Variants in EXOC1 observed in about 807,000 individuals in gnomAD.
EXOC1 encodes exocyst complex component 1.
Under a neutral mutation model 107.7 loss-of-function variants are expected in EXOC1, and 67 were observed. The observed-to-expected ratio is 0.62, with a 90% CI of 0.51 to 0.76. EXOC1 has a LOEUF of 0.76. Ranked by LOEUF, EXOC1 falls within the 30% of genes least tolerant of loss-of-function variation. EXOC1 has a pLI of 0.00. For missense variants in EXOC1, 833 were observed against 1,055.7 expected (o/e 0.79, Z 2.92); for synonymous variants, 348 against 353.5 (o/e 0.98, Z 0.17).
rs1198663415 is a variant in EXOC1 at position 55,864,337 on chromosome 4, T to C, written c.366T>C (p.Tyr122=). ...GCATTTGGAAATTGAATCAGCGATA[T>C]CTCCGGAAGAAAATTGATTTTGTCA... The part of the protein sequence containing the change: ...ISCIWKLNQR[Y]LRKKIDFVNV... Residue 122 remains tyrosine, a synonymous_variant, in exon 4 of 19, where the codon TAT becomes TAC. Coordinates refer to ENST00000381295, the MANE Select transcript of EXOC1 (RefSeq NM_001024924.2). 2 of 1,610,818 alleles carry C rather than the reference T, an allele frequency of 1.2e-6. No individual in the cohort carries two copies. Among genetic ancestry groups the C allele is most frequent in the Non-Finnish European group, 1.7e-6 (2 of 1,178,860 alleles).
intron 8 of EXOC1, among the ~76,000 whole-genome samples, chr4:55,874,945 A>G (rs1481147906): frequency 6.6e-6 from 1 of 152,162 alleles, no homozygotes; most frequent in African/African-American, 2.4e-5. Flanking sequence ...TTTTTGAAAG[A>G]TTTATTTTGA....
intron 6 of EXOC1, 44 bp downstream of exon 6, chr4:55,870,949 A>T (rs369619617): frequency 8.5e-5 from 134 of 1,570,674 alleles, no homozygotes; most frequent in Non-Finnish European, 1.1e-4. Flanking sequence ...ACTAGTGATG[A>T]TATATAAAAC....
intron 8 of EXOC1, chr4:55,875,833 A>T: frequency 4.1e-6 from 4 of 973,096 alleles, no homozygotes; most frequent in Non-Finnish European, 4.9e-6. Context: ...GGGAGGCTGA[A>T]GTGGGCCAAT....
chr4:55,857,176 T>C (rs867510235), intron 1 of EXOC1, among the ~76,000 whole-genome samples: 5 of 112,410 alleles, frequency 4.4e-5, no homozygotes, highest in Non-Finnish European at 7.3e-5. Context: ...TTCTTTTTTT[T>C]TTTTTTTTTT....
At chr4:55,888,078 C>T (rs2109443019) in intron 10 of EXOC1, among the ~76,000 whole-genome samples, 1 of 152,260 alleles carries the variant, frequency 6.6e-6, no homozygotes, top group South Asian at 2.1e-4. Flanking sequence ...CATTCTGTTT[C>T]ATCCTATGAT....
Position 55,860,561 on chromosome 4 carries a change from T to C in EXOC1, c.255+20T>C. The C allele has an allele frequency of 6.2e-7, 1 of 1,612,882 alleles. No homozygotes were observed. On this transcript the variant is annotated intron_variant, in intron 3 of 18. Coordinates refer to ENST00000381295, the MANE Select transcript of EXOC1 (RefSeq NM_001024924.2). ...ATCAAAGTAGGTTTTTCTCAGTTCT[T>C]TGACCTGTGTTCAGAAAGCATCTTT...
chr4:55,892,585 G>A, intron 13 of EXOC1, 50 bp from the exon 14 acceptor site: 1 of 1,514,786 alleles, frequency 6.6e-7, no homozygotes, highest in Non-Finnish European at 9.2e-7. Context: ...ATCAATACTA[G>A]TCAAATTGTT....
intron 1 of EXOC1, among the ~76,000 whole-genome samples, 197 bp from the exon 2 acceptor site, chr4:55,858,117 T>TA (rs886317845): frequency 1.6e-4 from 25 of 152,360 alleles, no homozygotes; most frequent in African/African-American, 6.0e-4. Flanking sequence ...CCAAACATTT[T>TA]AGAGTTTGAT....
chr4:55,899,663 A>AT (rs1560365865), intron 16 of EXOC1, 22 bp from the exon 17 acceptor site: 8 of 1,593,476 alleles, frequency 5.0e-6, no homozygotes, highest in Non-Finnish European at 6.0e-6. Flanking sequence ...ATGTTATTTT[A>AT]TTTTTTCTGT....
chr4:55,861,160 A>C (rs1332215344), intron 3 of EXOC1, among the ~76,000 whole-genome samples: 2 of 152,098 alleles, frequency 1.3e-5, no homozygotes, highest in East Asian at 3.9e-4. Context: ...CCCTTTTTTC[A>C]AAGCAATCAA....
intron 10 of EXOC1, 149 bp downstream of exon 10, chr4:55,884,077 G>A (rs1217328861): frequency 1.7e-5 from 10 of 591,656 alleles, no homozygotes; most frequent in South Asian, 6.9e-5. Flanking sequence ...ATTTATAGCC[G>A]TTTCATAGAA....
chr4:55,900,160 A>C (rs1725732314), intron 17 of EXOC1, among the ~76,000 whole-genome samples: 1 of 152,172 alleles, frequency 6.6e-6, no homozygotes. Context: ...TCTTATAAAC[A>C]ATGATGTGTA....
intron 11 of EXOC1, 108 bp from the exon 12 acceptor site, chr4:55,890,115 G>T: frequency 2.0e-6 from 2 of 1,022,902 alleles, no homozygotes; most frequent in Non-Finnish European, 2.9e-6. Flanking sequence ...TAACTAATAT[G>T]AGCCCTGGAA....
chr4:55,874,049 A>G (rs1220677948), intron 8 of EXOC1, among the ~76,000 whole-genome samples: 2 of 152,188 alleles, frequency 1.3e-5, no homozygotes, highest in African/African-American at 4.8e-5. Flanking sequence ...CTAATTGTAG[A>G]ACTGTGGACT....
intron 18 of EXOC1, 61 bp from the exon 19 acceptor site, chr4:55,904,282 T>C: frequency 1.4e-6 from 2 of 1,460,028 alleles, no homozygotes; most frequent in South Asian, 3.0e-5. Flanking sequence ...GCATTATTTC[T>C]GCATACTAGA....
At chr4:55,903,354 T>C (rs1301007403) in intron 18 of EXOC1, among the ~76,000 whole-genome samples, 1 of 152,100 alleles carries the variant, frequency 6.6e-6, no homozygotes. Flanking sequence ...TTCAACATCA[T>C]GGAAGACTTC....
At position 55,877,933 on chromosome 4, in the gene EXOC1, C is replaced by T. The variant is rs375462058; in HGVS notation, c.1091C>T (p.Ser364Leu). The change falls in exon 9 of 19, where the codon TCG becomes TTG. Residue 364 changes from serine to leucine, a missense_variant. Physicochemically the swap from Ser to Leu is moderately radical, Grantham distance 145 (BLOSUM62 -2). This residue lies in a region of EXOC1 where 617 missense variants were observed against 701.3 expected (regional missense o/e 0.88). Transcript: ENST00000381295. ...VFVQQGHDQS[S>L]TLAQHSVELT... ...TCACTTTAGGGTCATGATCAGAGTT[C>T]GACTCTTGCCCAACACTCTGTTGAA... is the stretch of plus-strand genomic sequence containing the variant. The T allele has an allele frequency of 1.1e-5, 18 of 1,613,460 alleles. No individual in the cohort carries two copies. The highest frequency in any genetic ancestry group is 3.3e-5 in the Admixed American group (2 of 59,924).
intron 12 of EXOC1, 126 bp downstream of exon 12, chr4:55,890,512 C>G: frequency 1.9e-6 from 1 of 516,202 alleles, no homozygotes; most frequent in Non-Finnish European, 3.1e-6. Flanking sequence ...CCATGTCTTT[C>G]CAACTGAATC....
chr4:55,885,315 G>A (rs1330016079), intron 10 of EXOC1, among the ~76,000 whole-genome samples: 9 of 151,950 alleles, frequency 5.9e-5, no homozygotes, highest in Admixed American at 5.9e-4. Flanking sequence ...ATAGTTTATC[G>A]AGTCTAAGAT....
Sources: gnomAD v4.1 joint callset for allele counts (sites outside exome capture counted in the v4.1 genomes callset) on GRCh38, gnomAD v4.1.1 for gene constraint, gnomAD v4.1.1 regional missense constraint, MANE v1.5 for transcripts, NCBI Gene and HGNC (gene_info 2026-07-23, HGNC 2026-07-21) for gene names.